MACROD2: variants seen among roughly 807,000 people sequenced by gnomAD.
The protein encoded by MACROD2 is mono-ADP ribosylhydrolase 2.
MACROD2 carries 36 observed loss-of-function variants against 70.4 expected under a neutral mutation model. The observed-to-expected ratio is 0.51, with a 90% CI of 0.39 to 0.68. The LOEUF (loss-of-function observed/expected upper bound fraction) is 0.68. Ranked by LOEUF, MACROD2 falls within the 30% of genes least tolerant of loss-of-function variation. The pLI, the probability that MACROD2 is intolerant of heterozygous loss-of-function variation, is 0.00. For synonymous variants in MACROD2, 172 were observed against 178.8 expected, an observed-to-expected ratio of 0.96 and a Z score of 0.30; for missense variants, 496 against 538.4, an observed-to-expected ratio of 0.92 and a Z score of 0.78.
At chr20:15,890,016 C>T (rs1451547776) in intron 10 of MACROD2, among the ~76,000 whole-genome samples, 3 of 152,128 alleles carry the variant, frequency 2.0e-5, no homozygotes, top group African/African-American at 7.2e-5. Flanking sequence ...GCACAGAGGC[C>T]ATATGTATCT....
At chr20:14,396,742 G>A (rs1049348164) in intron 3 of MACROD2, among the ~76,000 whole-genome samples, 12 of 151,600 alleles carry the variant, frequency 7.9e-5, no homozygotes, top group East Asian at 2.0e-4. Flanking sequence ...TGCCTAACGC[G>A]GTGAAACCCC....
intron 3 of MACROD2, 113 bp from the exon 4 acceptor site, chr20:14,493,366 A>T (rs2084815739): frequency 1.4e-6 from 1 of 692,012 alleles, no homozygotes; most frequent in East Asian, 3.2e-5. Flanking sequence ...TTTTGTGTTT[A>T]TGTATGTATA....
intron 6 of MACROD2, among the ~76,000 whole-genome samples, chr20:15,392,464 G>T (rs143285455): frequency 6.6e-6 from 1 of 151,802 alleles, no homozygotes; most frequent in Non-Finnish European, 1.5e-5. Context: ...TTATATTCAC[G>T]TTTCAAGGTT....
chr20:14,315,355 A>C (rs1489176989), intron 3 of MACROD2, among the ~76,000 whole-genome samples: 17 of 152,220 alleles, frequency 1.1e-4, no homozygotes, highest in Non-Finnish European at 4.4e-5. Context: ...AGCTTTCACC[A>C]AGATTGTCTC....
chr20:14,244,125 C>T (rs955438650), intron 3 of MACROD2, among the ~76,000 whole-genome samples: 1 of 152,168 alleles, frequency 6.6e-6, no homozygotes, highest in Admixed American at 6.5e-5. Context: ...TTTCACAGTT[C>T]TTTGAAATAC....
chr20:15,621,311 G>C (rs962174469), intron 8 of MACROD2, among the ~76,000 whole-genome samples: 48 of 152,178 alleles, frequency 3.2e-4, no homozygotes, highest in African/African-American at 1.2e-3. Context: ...CCTCAAATGA[G>C]TTAAGATTCC....
At chr20:15,933,920 T>C (rs2065617589) in intron 11 of MACROD2, among the ~76,000 whole-genome samples, 1 of 152,176 alleles carries the variant, frequency 6.6e-6, no homozygotes, top group South Asian at 2.1e-4. Flanking sequence ...ATTGAAAGTT[T>C]ATATATTCCA....
At chr20:15,397,677 T>C (rs2045877516) in intron 6 of MACROD2, among the ~76,000 whole-genome samples, 1 of 152,198 alleles carries the variant, frequency 6.6e-6, no homozygotes, top group East Asian at 1.9e-4. Flanking sequence ...AAAGAAGATA[T>C]AAGAATTTTA....
chr20:14,962,070 C>T (rs2074588092), intron 5 of MACROD2, among the ~76,000 whole-genome samples: 1 of 152,138 alleles, frequency 6.6e-6, no homozygotes, highest in Admixed American at 6.5e-5. Flanking sequence ...CTCTGCTTCC[C>T]AGTTTCAAGC....
At chr20:14,574,578 A>T (rs1980445145) in intron 4 of MACROD2, among the ~76,000 whole-genome samples, 3 of 152,176 alleles carry the variant, frequency 2.0e-5, no homozygotes, top group South Asian at 4.2e-4. Context: ...CACATTAATG[A>T]TGTACACAAA....
At chr20:15,595,575 A>C (rs566963490) in intron 8 of MACROD2, among the ~76,000 whole-genome samples, 36 of 152,358 alleles carry the variant, frequency 2.4e-4, no homozygotes, top group Middle Eastern at 3.4e-3. Context: ...CACAGGAAGG[A>C]AAATGCAGCT....
At chr20:14,934,306 A>T (rs1475013282) in intron 5 of MACROD2, among the ~76,000 whole-genome samples, 1 of 152,198 alleles carries the variant, frequency 6.6e-6, no homozygotes, top group African/African-American at 2.4e-5. Flanking sequence ...ACACATAATA[A>T]AGCAACAGAA....
chr20:15,290,645 G>A (rs960980425), intron 6 of MACROD2, among the ~76,000 whole-genome samples: 2 of 152,198 alleles, frequency 1.3e-5, no homozygotes, highest in Admixed American at 6.5e-5. Context: ...CCACCAAGCC[G>A]TGAAATCACA....
At chr20:15,577,112 A>G (rs1220999395) in intron 8 of MACROD2, among the ~76,000 whole-genome samples, 1 of 152,186 alleles carries the variant, frequency 6.6e-6, no homozygotes, top group Non-Finnish European at 1.5e-5. Context: ...TATTCCGTAG[A>G]GAAAAGCATG....
chr20:15,581,504 G>A (rs6079891), intron 8 of MACROD2, among the ~76,000 whole-genome samples: 54,904 of 152,110 alleles, frequency 0.36, 9,962 homozygotes, highest in Non-Finnish European at 0.39. Context: ...GTAGAATTGT[G>A]TATCCTTATA....
intron 11 of MACROD2, among the ~76,000 whole-genome samples, 169 bp from the exon 12 acceptor site, chr20:15,937,307 A>G (rs2065679236): frequency 6.6e-6 from 1 of 152,148 alleles, no homozygotes; most frequent in African/African-American, 2.4e-5. Flanking sequence ...CTAATTATAA[A>G]AGAGAGTCCC....
At chr20:15,993,751 A>C (rs1601291076) in intron 15 of MACROD2, among the ~76,000 whole-genome samples, 2 of 152,220 alleles carry the variant, frequency 1.3e-5, no homozygotes, top group Non-Finnish European at 2.9e-5. Context: ...AAACTGGCTA[A>C]TATCATACAG....
intron 3 of MACROD2, among the ~76,000 whole-genome samples, chr20:14,234,888 A>G (rs1392410563): frequency 6.6e-6 from 1 of 152,248 alleles, no homozygotes; most frequent in Non-Finnish European, 1.5e-5. Flanking sequence ...TGTTTTGGAT[A>G]TACAGAGCAC....
At chr20:14,170,463 A>G (rs778547712) in intron 3 of MACROD2, among the ~76,000 whole-genome samples, 1 of 152,004 alleles carries the variant, frequency 6.6e-6, no homozygotes, top group Admixed American at 6.6e-5. Context: ...CCCATTCAGT[A>G]TAATGTTGGC....
Sources: gnomAD v4.1 joint callset for allele counts (sites outside exome capture counted in the v4.1 genomes callset) on GRCh38, gnomAD v4.1.1 for gene constraint, MANE v1.5 for transcripts, NCBI Gene and HGNC (gene_info 2026-07-23, HGNC 2026-07-21) for gene names.